The following DAPK1 variants were observed in gnomAD, a reference collection of about 807,000 sequenced individuals.
DAPK1 encodes death associated protein kinase 1.
A neutral mutation model predicts 144.9 loss-of-function variants in DAPK1; 56 were observed. That is an observed-to-expected ratio of 0.39 (90% CI 0.31 to 0.48). The LOEUF is 0.48. Ranked by LOEUF, DAPK1 falls within the 20% of genes least tolerant of loss-of-function variation. The pLI is 0.95. For synonymous variants in DAPK1, 690 were observed against 749.0 expected (o/e 0.92, Z 1.29); for missense variants, 1,454 against 1,875.4 (o/e 0.78, Z 4.15).
chr9:87,548,913 C>CTTTTTTTTTTTTTTTTTTTTTTT (rs11291160), intron 2 of DAPK1, among the ~76,000 whole-genome samples: 9 of 63,872 alleles, frequency 1.4e-4, no homozygotes, highest in South Asian at 1.9e-3. Flanking sequence ...GATTTCATTC[C>CTTTTTTTTTTTTTTTTTTTTTTT]TTTTTTTTTT....
At chr9:87,584,400 G>A (rs1298498073) in intron 2 of DAPK1, among the ~76,000 whole-genome samples, 1 of 152,096 alleles carries the variant, frequency 6.6e-6, no homozygotes, top group South Asian at 2.1e-4. Context: ...TGTGAATAGT[G>A]CTGCAATAAA....
intron 4 of DAPK1, 63 bp from the exon 5 acceptor site, chr9:87,639,291 C>A (rs1830009625): frequency 7.2e-5 from 85 of 1,181,914 alleles, no homozygotes; most frequent in Non-Finnish European, 8.5e-5. Flanking sequence ...AAGAACTATT[C>A]TGCCATCTTG....
chr9:87,671,124 C>T (rs903618208), intron 19 of DAPK1, among the ~76,000 whole-genome samples: 21 of 152,136 alleles, frequency 1.4e-4, no homozygotes, highest in Non-Finnish European at 1.8e-4. Context: ...TTATCTGCAG[C>T]CTGCTTAGAT....
chr9:87,695,794 C>T (rs976193249), intron 21 of DAPK1, among the ~76,000 whole-genome samples: 3 of 152,168 alleles, frequency 2.0e-5, no homozygotes, highest in African/African-American at 7.2e-5. Context: ...TTTTCATAGT[C>T]ACTGTTACAT....
chr9:87,497,570 G>A (rs1468042213), upstream of DAPK1: 1 of 154,176 alleles, frequency 6.5e-6, no homozygotes, highest in African/African-American at 2.4e-5. Context: ...CCCAGTCAGA[G>A]GGCAGCTTAG....
chr9:87,533,685 T>C (rs913262463), intron 2 of DAPK1, among the ~76,000 whole-genome samples: 2 of 152,218 alleles, frequency 1.3e-5, no homozygotes, highest in African/African-American at 2.4e-5. Context: ...CTTTTTGAGA[T>C]GGAGTCTCAC....
At chr9:87,681,248 A>C (rs963029093) in intron 19 of DAPK1, among the ~76,000 whole-genome samples, 156 bp from the exon 20 acceptor site, 1 of 150,894 alleles carries the variant, frequency 6.6e-6, no homozygotes. Context: ...ATTGCACTCC[A>C]GTCTGGGCAA....
chr9:87,527,260 T>C (rs1468268255), intron 2 of DAPK1, among the ~76,000 whole-genome samples: 1 of 152,224 alleles, frequency 6.6e-6, no homozygotes, highest in Non-Finnish European at 1.5e-5. Context: ...TGTACGTCCT[T>C]GGGCTAATCG....
intron 2 of DAPK1, among the ~76,000 whole-genome samples, chr9:87,539,430 C>CTTT (rs34369093): frequency 0.67 from 86,987 of 128,898 alleles, 30,730 homozygotes; most frequent in Non-Finnish European, 0.77. Flanking sequence ...AAATTTCTCA[C>CTTT]TTTTTTTTTT....
At chr9:87,698,918 T>C in intron 23 of DAPK1, 124 bp downstream of exon 23, 1 of 616,412 alleles carries the variant, frequency 1.6e-6, no homozygotes, top group Non-Finnish European at 2.9e-6. Context: ...GGTCTTTCTT[T>C]CTTGGTCAAC....
chr9:87,525,404 T>TAA, intron 2 of DAPK1: 1 of 1,611,438 alleles, frequency 6.2e-7, no homozygotes, highest in Non-Finnish European at 8.5e-7. Context: ...GATCCGGAAA[T>TAA]ATGGCCTCAA....
intron 2 of DAPK1, among the ~76,000 whole-genome samples, chr9:87,571,605 C>T (rs1042148432): frequency 1.3e-5 from 2 of 151,548 alleles, no homozygotes; most frequent in African/African-American, 4.8e-5. Flanking sequence ...TCCTTGCAAA[C>T]GTTCCAGTGA....
chr9:87,552,185 G>A (rs1563988843), intron 2 of DAPK1, among the ~76,000 whole-genome samples: 1 of 152,112 alleles, frequency 6.6e-6, no homozygotes, highest in Admixed American at 6.5e-5. Flanking sequence ...GCCTGGCAAG[G>A]CCAGCAAGTA....
At chr9:87,643,505 G>A in intron 11 of DAPK1, 37 bp downstream of exon 11, 1 of 1,224,972 alleles carries the variant, frequency 8.2e-7, no homozygotes, top group Non-Finnish European at 1.2e-6. Context: ...TCCTTTCTTA[G>A]CACTGGGTAC....
Position 87,596,280 on chromosome 9 carries a change from G to A in DAPK1, c.63-8674G>A, listed in dbSNP as rs553664948. ...TGAAGTCAGTATAGATACGCACTGG[G>A]CATTCACACCAGGCAGGAGGAAGAT... On this transcript the variant is annotated intron_variant, in intron 2 of 25. Coordinates refer to ENST00000408954, the MANE Select transcript of DAPK1 (RefSeq NM_004938.4). Among the ~76,000 whole-genome samples, 8 of 152,290 alleles carry A rather than the reference G, an allele frequency of 5.3e-5. No homozygotes were observed. In the South Asian group the frequency reaches 1.7e-3, roughly 32 times the overall value.
intron 2 of DAPK1, among the ~76,000 whole-genome samples, chr9:87,538,654 C>G (rs1190807950): frequency 6.6e-6 from 1 of 152,116 alleles, no homozygotes; most frequent in East Asian, 1.9e-4. Flanking sequence ...TGACTTTCTG[C>G]CCAGCTGTTT....
At chr9:87,656,342 G>C (rs1296902845) in intron 17 of DAPK1, among the ~76,000 whole-genome samples, 1 of 152,114 alleles carries the variant, frequency 6.6e-6, no homozygotes, top group African/African-American at 2.4e-5. Flanking sequence ...GTGTCATTCT[G>C]TCCCAACCTG....
intron 2 of DAPK1, among the ~76,000 whole-genome samples, chr9:87,556,393 T>C (rs1434819766): frequency 1.3e-5 from 2 of 152,232 alleles, no homozygotes; most frequent in East Asian, 3.9e-4. Flanking sequence ...TGTGTGTACC[T>C]GTACCCACTG....
At chr9:87,698,939 T>C (rs1056072277) in intron 23 of DAPK1, 145 bp downstream of exon 23, 5 of 597,388 alleles carry the variant, frequency 8.4e-6, no homozygotes, top group Non-Finnish European at 1.5e-5. Flanking sequence ...TCTTTTCTTG[T>C]ACAGGTCTTG....
Sources: gnomAD v4.1 joint callset for allele counts (sites outside exome capture counted in the v4.1 genomes callset) on GRCh38, gnomAD v4.1.1 for gene constraint, MANE v1.5 for transcripts, NCBI Gene and HGNC (gene_info 2026-07-23, HGNC 2026-07-21) for gene names.